Variants in NOX4 observed in about 807,000 individuals in gnomAD.
NOX4 encodes NADPH oxidase 4.
Under a neutral mutation model 87.6 loss-of-function variants are expected in NOX4, and 69 were observed. The ratio of observed to expected loss-of-function variants is 0.79; its 90% confidence interval spans 0.65 to 0.96. NOX4 has a LOEUF of 0.96. Among genes scored for constraint, NOX4 ranks in the 40% least tolerant of loss-of-function variants. The pLI is 0.00. For synonymous variants in NOX4, 275 were observed against 238.2 expected, an observed-to-expected ratio of 1.15 and a Z score of -1.42; for missense variants, 680 against 681.5, an observed-to-expected ratio of 1.00 and a Z score of 0.02.
the NOX4 span, among the ~76,000 whole-genome samples, chr11:89,511,666 C>A: frequency 6.6e-6 from 1 of 152,096 alleles, no homozygotes; most frequent in East Asian, 1.9e-4. Context: ...TTGGCCAACT[C>A]TTGAAGCCAA....
chr11:89,488,756 T>A (rs1251840855), intron 2 of NOX4: 2 of 433,262 alleles, frequency 4.6e-6, no homozygotes, highest in Non-Finnish European at 8.1e-6. Flanking sequence ...ATAGATGAGA[T>A]AAAGCTTCCA....
intron 17 of NOX4, among the ~76,000 whole-genome samples, chr11:89,329,373 A>AAG (rs1554988045): frequency 0.1 from 13,350 of 131,202 alleles, 1,276 homozygotes; most frequent in African/African-American, 0.27. Context: ...AAAAAAAAAA[A>AAG]AAGAACAGAG....
the NOX4 span, among the ~76,000 whole-genome samples, chr11:89,584,365 GA>G: frequency 4.6e-5 from 7 of 152,032 alleles, no homozygotes; most frequent in Admixed American, 4.6e-4. Flanking sequence ...ATCTTTGAAG[GA>G]TATACACATG....
At chr11:89,421,568 A>G (rs1943085481) in intron 8 of NOX4, among the ~76,000 whole-genome samples, 1 of 152,308 alleles carries the variant, frequency 6.6e-6, no homozygotes, top group East Asian at 1.9e-4. Context: ...GGAAATACAA[A>G]TACTAAAATA....
chr11:89,556,935 A>C, the NOX4 span: 1 of 152,184 alleles, frequency 6.6e-6, no homozygotes, highest in Admixed American at 6.6e-5. Flanking sequence ...AATATGCATG[A>C]TGTTTTAATG....
At chr11:89,338,708 C>T (rs1221734703) in intron 15 of NOX4, among the ~76,000 whole-genome samples, 7 of 152,088 alleles carry the variant, frequency 4.6e-5, no homozygotes, top group Admixed American at 4.6e-4. Context: ...TGCCTCAGAG[C>T]CCTTGCCTAT....
chr11:89,388,418 C>T (rs1361452601), intron 11 of NOX4, among the ~76,000 whole-genome samples: 1 of 152,122 alleles, frequency 6.6e-6, no homozygotes, highest in Admixed American at 6.6e-5. Flanking sequence ...AATGACTGGT[C>T]AGTTGGGGGT....
chr11:89,553,682 G>A, the NOX4 span, among the ~76,000 whole-genome samples: 1,443 of 152,078 alleles, frequency 9.5e-3, 19 homozygotes, highest in African/African-American at 0.033. Flanking sequence ...AATCCACAAA[G>A]AGATTGCAAA....
intron 13 of NOX4, among the ~76,000 whole-genome samples, chr11:89,344,928 T>C (rs555626790): frequency 2.3e-4 from 35 of 152,142 alleles, no homozygotes; most frequent in Non-Finnish European, 3.7e-4. Flanking sequence ...CAAAAAAAGC[T>C]TCCAGGACAA....
intron 2 of NOX4, among the ~76,000 whole-genome samples, chr11:89,476,608 G>C (rs1946179331): frequency 6.6e-6 from 1 of 152,024 alleles, no homozygotes; most frequent in Admixed American, 6.6e-5. Context: ...CTTTTTAAAA[G>C]AAAACCTAGT....
At chr11:89,431,084 G>T (rs1157395693) in intron 7 of NOX4, among the ~76,000 whole-genome samples, 1 of 152,080 alleles carries the variant, frequency 6.6e-6, no homozygotes, top group Non-Finnish European at 1.5e-5. Context: ...TGACAAACCT[G>T]ACAAAAACAA....
chr11:89,463,791 A>T (rs1424295044), intron 2 of NOX4, among the ~76,000 whole-genome samples: 2 of 151,980 alleles, frequency 1.3e-5, no homozygotes, highest in African/African-American at 4.8e-5. Context: ...ACAAATAGAT[A>T]TAATACCTTC....
chr11:89,448,043 C>G (rs1270449398), intron 4 of NOX4, among the ~76,000 whole-genome samples: 5 of 152,150 alleles, frequency 3.3e-5, no homozygotes, highest in African/African-American at 4.8e-5. Context: ...ATCAAAACAG[C>G]TATGTCATCA....
At position 89,417,818 on chromosome 11, in the gene NOX4, C is replaced by T. The variant is rs372221560; in HGVS notation, c.629+4084G>A. Among the ~76,000 whole-genome samples the T allele has an allele frequency of 1.3e-4, 20 of 152,158 alleles. No homozygotes were observed. In the South Asian group the frequency reaches 3.9e-3, roughly 30 times the overall value. On this transcript the variant is annotated intron_variant, in intron 8 of 17. Transcript: ENST00000263317. ...TTGCTGCATTACTTTAAACCCAAGACAACACTATGATATAAGTGATTTTAT... is the reference window on the plus strand; with the variant it reads ...TTGCTGCATTACTTTAAACCCAAGATAACACTATGATATAAGTGATTTTAT...
chr11:89,385,135 A>G (rs1320309377), intron 11 of NOX4, among the ~76,000 whole-genome samples: 1 of 152,120 alleles, frequency 6.6e-6, no homozygotes, highest in Non-Finnish European at 1.5e-5. Context: ...ATGCATCAAT[A>G]TTTATACTGA....
At chr11:89,419,995 A>G (rs949341859) in intron 8 of NOX4, among the ~76,000 whole-genome samples, 6 of 152,132 alleles carry the variant, frequency 3.9e-5, no homozygotes, top group African/African-American at 1.4e-4. Context: ...TAGACAGATC[A>G]CAATCTCAAA....
intron 8 of NOX4, among the ~76,000 whole-genome samples, chr11:89,408,916 T>C (rs1416842481): frequency 1.3e-5 from 2 of 152,186 alleles, no homozygotes; most frequent in East Asian, 1.9e-4. Context: ...ACAATCTCTG[T>C]GCAGCTGACT....
At chr11:89,584,571 C>A in the NOX4 span, among the ~76,000 whole-genome samples, 1 of 152,048 alleles carries the variant, frequency 6.6e-6, no homozygotes, top group Non-Finnish European at 1.5e-5. Flanking sequence ...ACTTGAAATC[C>A]AAACAGTTTG....
the NOX4 span, among the ~76,000 whole-genome samples, chr11:89,547,245 T>A: frequency 6.6e-6 from 1 of 152,054 alleles, no homozygotes; most frequent in Non-Finnish European, 1.5e-5. Flanking sequence ...GGGGGGACAA[T>A]TGATACCATT....
Sources: gnomAD v4.1 joint callset for allele counts (sites outside exome capture counted in the v4.1 genomes callset) on GRCh38, gnomAD v4.1.1 for gene constraint, MANE v1.5 for transcripts, NCBI Gene and HGNC (gene_info 2026-07-23, HGNC 2026-07-21) for gene names.